The following HS6ST3 variants were observed in gnomAD, a reference collection of about 807,000 sequenced individuals.
HS6ST3 encodes the protein heparan-sulfate 6-O-sulfotransferase 3.
A neutral mutation model predicts 36.7 loss-of-function variants in HS6ST3; 12 were observed. The ratio of observed to expected loss-of-function variants is 0.33; its 90% confidence interval spans 0.21 to 0.53. The LOEUF is 0.53. Ranked by LOEUF, HS6ST3 falls within the 20% of genes least tolerant of loss-of-function variation. The pLI is 0.95. For synonymous variants in HS6ST3, 240 were observed against 257.5 expected (o/e 0.93, Z 0.65); for missense variants, 584 against 640.9 (o/e 0.91, Z 0.96).
At chr13:96,503,000 A>G (rs1295897840) in intron 1 of HS6ST3, among the ~76,000 whole-genome samples, 3 of 152,188 alleles carry the variant, frequency 2.0e-5, no homozygotes, top group Admixed American at 6.5e-5. Context: ...CTGGAGTGTA[A>G]CTTCAATAAA....
At chr13:96,196,687 G>A (rs2054315935) in intron 1 of HS6ST3, among the ~76,000 whole-genome samples, 1 of 152,212 alleles carries the variant, frequency 6.6e-6, no homozygotes, top group Admixed American at 6.5e-5. Context: ...GCAGCATGCT[G>A]ATGTCACTGG....
intron 1 of HS6ST3, among the ~76,000 whole-genome samples, chr13:96,144,305 T>C (rs2054045897): frequency 6.6e-6 from 1 of 152,188 alleles, no homozygotes; most frequent in Admixed American, 6.5e-5. Flanking sequence ...TTACTAAGTA[T>C]ACTGTAAAAA....
chr13:96,381,438 C>CT (rs1405254584), intron 1 of HS6ST3, among the ~76,000 whole-genome samples: 3 of 151,670 alleles, frequency 2.0e-5, no homozygotes, highest in East Asian at 1.9e-4. Flanking sequence ...ATCTATCTAT[C>CT]ACTCATTCCA....
chr13:96,334,075 T>C (rs2055086923), intron 1 of HS6ST3, among the ~76,000 whole-genome samples: 1 of 152,142 alleles, frequency 6.6e-6, no homozygotes, highest in Non-Finnish European at 1.5e-5. Flanking sequence ...GAAGTGACTG[T>C]AGTGCAGATT....
At chr13:96,766,348 C>T (rs1877118572) in intron 1 of HS6ST3, among the ~76,000 whole-genome samples, 1 of 152,148 alleles carries the variant, frequency 6.6e-6, no homozygotes, top group Non-Finnish European at 1.5e-5. Context: ...TTCCAAAGCA[C>T]TGATTGTGTG....
chr13:96,598,337 A>G (rs561199884), intron 1 of HS6ST3, among the ~76,000 whole-genome samples: 114 of 152,146 alleles, frequency 7.5e-4, no homozygotes, highest in Non-Finnish European at 1.5e-3. Flanking sequence ...TGTGCCATCT[A>G]TGAGTTCTTT....
intron 1 of HS6ST3, among the ~76,000 whole-genome samples, chr13:96,302,568 A>C (rs953218204): frequency 2.0e-5 from 3 of 152,156 alleles, no homozygotes; most frequent in Non-Finnish European, 4.4e-5. Context: ...GTATAATATG[A>C]AAACTATGAC....
chr13:96,209,405 GC>G (rs2054387569), intron 1 of HS6ST3, among the ~76,000 whole-genome samples: 1 of 152,126 alleles, frequency 6.6e-6, no homozygotes, highest in South Asian at 2.1e-4. Flanking sequence ...GTGCTCCCCA[GC>G]TTTTTTCTGG....
intron 1 of HS6ST3, among the ~76,000 whole-genome samples, chr13:96,260,075 G>A (rs994069398): frequency 6.6e-6 from 1 of 151,750 alleles, no homozygotes; most frequent in African/African-American, 2.4e-5. Context: ...TTCTTTTGTT[G>A]CTACTGTCAA....
At chr13:96,410,698 T>G (rs956380380) in intron 1 of HS6ST3, among the ~76,000 whole-genome samples, 6 of 152,224 alleles carry the variant, frequency 3.9e-5, no homozygotes, top group African/African-American at 1.2e-4. Flanking sequence ...AAATATAGTA[T>G]TCAATGATAC....
intron 1 of HS6ST3, among the ~76,000 whole-genome samples, chr13:96,656,157 T>C (rs1251547404): frequency 1.3e-5 from 2 of 152,170 alleles, no homozygotes; most frequent in African/African-American, 4.8e-5. Context: ...TTATTGAAGA[T>C]AACTAATGTG....
intron 1 of HS6ST3, among the ~76,000 whole-genome samples, chr13:96,238,902 T>C (rs1320840010): frequency 6.6e-6 from 1 of 152,246 alleles, no homozygotes; most frequent in African/African-American, 2.4e-5. Flanking sequence ...ATGATTATCT[T>C]GTGCCTGGGT....
chr13:96,382,373 G>C (rs4771251), intron 1 of HS6ST3, among the ~76,000 whole-genome samples: 127,513 of 152,172 alleles, frequency 0.84, 53,866 homozygotes, highest in South Asian at 0.91. Context: ...GTCTTATTAA[G>C]TACAGTCTTC....
At chr13:96,532,614 G>A (rs1232584101) in intron 1 of HS6ST3, among the ~76,000 whole-genome samples, 1 of 152,178 alleles carries the variant, frequency 6.6e-6, no homozygotes, top group Non-Finnish European at 1.5e-5. Flanking sequence ...GGAGATCTGA[G>A]TTTGAGAATG....
intron 1 of HS6ST3, among the ~76,000 whole-genome samples, chr13:96,192,081 C>T (rs1324964329): frequency 6.6e-6 from 1 of 152,102 alleles, no homozygotes; most frequent in African/African-American, 2.4e-5. Flanking sequence ...AGCCAGAGAC[C>T]TGGGTTCAAA....
intron 1 of HS6ST3, among the ~76,000 whole-genome samples, chr13:96,695,737 A>G (rs1273770111): frequency 2.0e-5 from 3 of 151,890 alleles, no homozygotes; most frequent in Admixed American, 1.3e-4. Flanking sequence ...ATACCCAGCC[A>G]GTATGTACCC....
intron 1 of HS6ST3, among the ~76,000 whole-genome samples, chr13:96,321,250 C>T (rs542558311): frequency 6.6e-6 from 1 of 152,236 alleles, no homozygotes; most frequent in South Asian, 2.1e-4. Context: ...TGTGATCCCT[C>T]CACGTTGAAG....
chr13:96,272,551 G>C (rs1690262469), intron 1 of HS6ST3, among the ~76,000 whole-genome samples: 1 of 151,918 alleles, frequency 6.6e-6, no homozygotes, highest in Non-Finnish European at 1.5e-5. Context: ...TACCCCAATA[G>C]TAGTAGATGG....
intron 1 of HS6ST3, among the ~76,000 whole-genome samples, chr13:96,540,273 C>A (rs1350162598): frequency 2.0e-5 from 3 of 152,150 alleles, no homozygotes; most frequent in Non-Finnish European, 4.4e-5. Context: ...ATATTTATTT[C>A]TTGTAAGCTA....
Sources: allele counts gnomAD v4.1 joint callset (sites outside exome capture counted in the v4.1 genomes callset), GRCh38; gene constraint gnomAD v4.1.1; transcripts MANE v1.5; gene names NCBI Gene and HGNC (gene_info 2026-07-23, HGNC 2026-07-21).